The following SLC2A5 variants were observed in gnomAD, a reference collection of about 807,000 sequenced individuals.
SLC2A5 encodes the protein solute carrier family 2, facilitated glucose transporter member 5.
SLC2A5 carries 56 observed loss-of-function variants against 50.3 expected under a neutral mutation model. The observed-to-expected ratio is 1.11, with a 90% CI of 0.90 to 1.39. The LOEUF (loss-of-function observed/expected upper bound fraction) is 1.39. Among genes scored for constraint, SLC2A5 ranks in the 40% most tolerant of loss-of-function variants. The pLI is 0.00. For synonymous variants in SLC2A5, 269 were observed against 281.9 expected, an observed-to-expected ratio of 0.95 and a Z score of 0.46; for missense variants, 566 against 650.1, an observed-to-expected ratio of 0.87 and a Z score of 1.41.
chr1:9,087,684 C>T (rs768994931), intron 1 of SLC2A5, among the ~76,000 whole-genome samples: 10 of 152,052 alleles, frequency 6.6e-5, no homozygotes, highest in African/African-American at 1.4e-4. Flanking sequence ...ACTTTTCAAG[C>T]GATTTATGTG....
intron 2 of SLC2A5, among the ~76,000 whole-genome samples, chr1:9,083,471 C>A (rs1291041209): frequency 6.6e-6 from 1 of 152,206 alleles, no homozygotes; most frequent in Non-Finnish European, 1.5e-5. Context: ...CGACTGGAAT[C>A]AACATAGCGC....
At chr1:9,086,404 A>C (rs972848000) in intron 1 of SLC2A5, among the ~76,000 whole-genome samples, 1 of 83,600 alleles carries the variant, frequency 1.2e-5, no homozygotes, top group African/African-American at 5.4e-5. Flanking sequence ...TTTTTTTTTT[A>C]TTGAGATGAA....
chr1:9,081,762 T>C lies in SLC2A5; in HGVS notation c.-59+3252A>G, dbSNP rs533961291. Among the ~76,000 whole-genome samples, 20 of 152,048 alleles carry C rather than the reference T, an allele frequency of 1.3e-4. 1 individual carries two copies. In the South Asian group the frequency reaches 3.9e-3, roughly 30 times the overall value. On this transcript the variant is annotated intron_variant, in intron 2 of 5. Transcript: ENST00000464985. ...ATCACTTCACACATTAGGATGGCTA[T>C]CATACTTAAAAAAAAAGGGAAATTA...
chr1:9,052,853 G>A (rs1641612527), intron 3 of SLC2A5, among the ~76,000 whole-genome samples: 4 of 151,378 alleles, frequency 2.6e-5, no homozygotes, highest in African/African-American at 9.7e-5. Flanking sequence ...CCCCATCCCT[G>A]TAGTCTCAGC....
intron 1 of SLC2A5, among the ~76,000 whole-genome samples, chr1:9,059,434 C>A (rs1024374307): frequency 1.3e-5 from 2 of 151,882 alleles, no homozygotes; most frequent in African/African-American, 4.8e-5. Context: ...TGAGCCACCA[C>A]GCCTGGCCAG....
chr1:9,083,128 C>T (rs1195266621), intron 2 of SLC2A5, among the ~76,000 whole-genome samples: 1 of 152,096 alleles, frequency 6.6e-6, no homozygotes, highest in Non-Finnish European at 1.5e-5. Context: ...GACTCTGTCT[C>T]AAAAAAATTG....
intron 4 of SLC2A5, among the ~76,000 whole-genome samples, chr1:9,047,177 T>C (rs566116819): frequency 6.6e-6 from 1 of 152,322 alleles, no homozygotes; most frequent in East Asian, 1.9e-4. Context: ...GGTTTCACTG[T>C]GTTGCCCAGG....
chr1:9,047,541 C>T (rs1029125113), intron 4 of SLC2A5, 69 bp downstream of exon 4: 2 of 1,547,552 alleles, frequency 1.3e-6, no homozygotes, highest in Non-Finnish European at 1.8e-6. Context: ...TGGTTCTAGT[C>T]CCTGGGAACC....
At chr1:9,071,590 C>G (rs1336778717), upstream of SLC2A5, 1 of 152,312 alleles carries the variant, frequency 6.6e-6, no homozygotes, top group Admixed American at 6.5e-5. Flanking sequence ...CCCGCCTTGA[C>G]GGCCCAGCCC....
At chr1:9,091,226 T>C (rs1642458603), upstream of SLC2A5, among the ~76,000 whole-genome samples, 1 of 152,208 alleles carries the variant, frequency 6.6e-6, no homozygotes, top group Admixed American at 6.5e-5. Flanking sequence ...CATGCTTTCT[T>C]GCACCTAAAA....
chr1:9,069,136 C>T (rs1317130294), intron 1 of SLC2A5, among the ~76,000 whole-genome samples: 2 of 152,204 alleles, frequency 1.3e-5, no homozygotes, highest in Admixed American at 1.3e-4. Context: ...ATTAACTGCC[C>T]TGAAGCCAAA....
intron 2 of SLC2A5, among the ~76,000 whole-genome samples, chr1:9,082,181 A>C (rs912582508): frequency 1.3e-5 from 2 of 152,202 alleles, no homozygotes; most frequent in African/African-American, 4.8e-5. Flanking sequence ...TACTGAGGAA[A>C]AAACAGTTTG....
At position 9,064,966 on chromosome 1, in the gene SLC2A5, T is replaced by C. The variant is rs554720299; in HGVS notation, c.33+4538A>G. ...TACTCGGGAGGCTGAGGCAGGAGAA[T>C]TGCTTGAACCCGGGAGGTGGAGGTT... On this transcript the variant is annotated intron_variant, in intron 1 of 11. Transcript: ENST00000377424. 3.3e-5 allele frequency among the ~76,000 whole-genome samples: 5 copies of C among 151,516 alleles called. No individual in the cohort carries two copies. In the South Asian group the frequency reaches 1.0e-3, roughly 32 times the overall value.
chr1:9,065,178 A>T (rs769400156), intron 1 of SLC2A5, among the ~76,000 whole-genome samples: 1 of 152,138 alleles, frequency 6.6e-6, no homozygotes, highest in Non-Finnish European at 1.5e-5. Flanking sequence ...TTTCTTTAAA[A>T]ACTTGAACTT....
At chr1:9,081,298 C>T (rs896767891) in intron 2 of SLC2A5, among the ~76,000 whole-genome samples, 3 of 115,106 alleles carry the variant, frequency 2.6e-5, no homozygotes, top group African/African-American at 1.0e-4. Context: ...AAAAAAAACA[C>T]GACCAAAACA....
At chr1:9,045,267 A>C (rs1014068095) in intron 4 of SLC2A5, among the ~76,000 whole-genome samples, 32 of 152,200 alleles carry the variant, frequency 2.1e-4, no homozygotes, top group Admixed American at 2.0e-3. Context: ...AAAATGAATT[A>C]ATATGTCTCT....
chr1:9,038,085 G>A lies in SLC2A5; in HGVS notation c.1175-61C>T. ...AGCGGGCCCGAGCATCCCAGGCCTG[G>A]CCATGCAGACCCACCAGGTAGCTGG... On this transcript the variant is annotated intron_variant, in intron 10 of 11. Coordinates refer to ENST00000377424, the MANE Select transcript of SLC2A5 (RefSeq NM_003039.3). The A allele has an allele frequency of 7.6e-6, 12 of 1,585,498 alleles. 1 individual carries two copies. The highest frequency in any genetic ancestry group is 2.3e-5 in the South Asian group (2 of 87,788).
rs58395185 is a variant in SLC2A5, at chr1:9,059,536, C to CTTTTTTTTTTTTTT, written c.34-1300_34-1287dup. Among the ~76,000 whole-genome samples the CTTTTTTTTTTTTTT allele has an allele frequency of 1.6e-4, 16 of 98,390 alleles. 1 individual carries two copies. The highest frequency in any genetic ancestry group is 3.4e-4 in the East Asian group (1 of 2,916). The allele number at this position is 98,390 out of a possible 152,430, so 64.5% of individuals were successfully genotyped here. ...CACGGTATCTAAATCTACAGAGAAT[C>CTTTTTTTTTTTTTT]TTTTTTTTTTTTTTTTTTCTGAGAC... On this transcript the variant is annotated intron_variant, in intron 1 of 11. Transcript: ENST00000377424.
In SLC2A5 at chr1:9,036,939, C is replaced by T. The variant is rs1402940354; in HGVS notation, c.*647G>A. ...TCTACTTGCTCAAAGAACAGCAGCA[C>T]GTCTTGTTGAAAAGTGATCAGGTTC... is the stretch of plus-strand genomic sequence containing the variant. On this transcript the variant is annotated 3_prime_UTR_variant, in exon 12 of 12. Coordinates refer to ENST00000377424, the MANE Select transcript of SLC2A5 (RefSeq NM_003039.3). The T allele has an allele frequency of 2.0e-5, 3 of 151,914 alleles. No homozygotes were observed. Among genetic ancestry groups the T allele is most frequent in the Admixed American group, 6.5e-5 (1 of 15,270 alleles). The allele number at this position is 151,914 out of a possible 1,614,324, so 9.4% of individuals were successfully genotyped here. A position where few individuals can be genotyped will look rare whatever the true frequency, so the allele number is the denominator to read the frequency against.
Sources: gnomAD v4.1 joint callset for allele counts (sites outside exome capture counted in the v4.1 genomes callset) on GRCh38, gnomAD v4.1.1 for gene constraint, MANE v1.5 for transcripts, NCBI Gene and HGNC (gene_info 2026-07-23, HGNC 2026-07-21) for gene names.